The following PRKD3 variants were observed in gnomAD, a reference collection of about 807,000 sequenced individuals.
PRKD3 encodes protein kinase D3.
In PRKD3, 47 loss-of-function variants were observed where a neutral mutation model predicts 99.2. The observed-to-expected ratio is 0.47, with a 90% CI of 0.38 to 0.60. The LOEUF is 0.60. Ranked by LOEUF, PRKD3 falls within the 20% of genes least tolerant of loss-of-function variation. The pLI is 0.00. For synonymous variants in PRKD3, 392 were observed against 355.4 expected (o/e 1.10, Z -1.16); for missense variants, 1,019 against 1,088.4 (o/e 0.94, Z 0.90).
At chr2:37,258,332 G>A (rs1668139744) in intron 16 of PRKD3, among the ~76,000 whole-genome samples, 1 of 152,108 alleles carries the variant, frequency 6.6e-6, no homozygotes, top group African/African-American at 2.4e-5. Context: ...TGAAGAGTAC[G>A]AATACTGAGC....
At chr2:37,264,750 A>G (rs887394439) in intron 14 of PRKD3, among the ~76,000 whole-genome samples, 2 of 152,162 alleles carry the variant, frequency 1.3e-5, no homozygotes, top group Non-Finnish European at 2.9e-5. Flanking sequence ...GGGGGGGAAA[A>G]AAAAAGACTC....
intron 14 of PRKD3, among the ~76,000 whole-genome samples, chr2:37,260,808 GTTAT>G (rs1161485945): frequency 2.0e-5 from 3 of 152,104 alleles, no homozygotes; most frequent in African/African-American, 4.8e-5. Context: ...TTCTAAGGTA[GTTAT>G]TTATCTAAGT....
At chr2:37,289,251 T>C in intron 5 of PRKD3, 105 bp downstream of exon 5, 3 of 1,314,206 alleles carry the variant, frequency 2.3e-6, no homozygotes. Flanking sequence ...GTAGGAACAT[T>C]ACCATTCTTT....
At chr2:37,282,177 T>C (rs542078554) in intron 7 of PRKD3, 1 of 166,740 alleles carries the variant, frequency 6.0e-6, no homozygotes, top group East Asian at 1.6e-4. Flanking sequence ...TGTCAATATA[T>C]TTAAAGAGTT....
In PRKD3 at chr2:37,277,865, C is replaced by A; in HGVS notation, c.1296+1G>T. ...ATATTCAAATGTATTTGATTACTGA[C>A]CAGGTTATCCCTGCTGGTGTAATGG... On this transcript the variant is annotated splice_donor_variant, in intron 9 of 18. Coordinates refer to ENST00000234179, the MANE Select transcript of PRKD3 (RefSeq NM_005813.6). LOFTEE classifies it high-confidence loss of function. The A allele has an allele frequency of 6.2e-7, 1 of 1,611,296 alleles. No homozygotes were observed. Among genetic ancestry groups the A allele is most frequent in the Non-Finnish European group, 8.5e-7 (1 of 1,178,974 alleles).
intron 17 of PRKD3, among the ~76,000 whole-genome samples, chr2:37,256,199 G>C (rs1667921894): frequency 6.6e-6 from 1 of 152,108 alleles, no homozygotes; most frequent in Non-Finnish European, 1.5e-5. Flanking sequence ...GTTCAGAAGA[G>C]TAAACAACTA....
intron 3 of PRKD3, among the ~76,000 whole-genome samples, chr2:37,292,692 C>A (rs533975539): frequency 1.3e-5 from 2 of 151,582 alleles, no homozygotes; most frequent in African/African-American, 4.9e-5. Flanking sequence ...GTTGTCCAGG[C>A]GGAAGTGCAG....
chr2:37,323,556 T>C (rs535624469), intron 1 of PRKD3, among the ~76,000 whole-genome samples: 1 of 152,148 alleles, frequency 6.6e-6, no homozygotes, highest in Non-Finnish European at 1.5e-5. Flanking sequence ...AAGGGTTCGT[T>C]GACAAGGAAA....
chr2:37,292,792 C>T (rs1373378220), intron 3 of PRKD3, among the ~76,000 whole-genome samples: 1 of 151,938 alleles, frequency 6.6e-6, no homozygotes, highest in African/African-American at 2.4e-5. Context: ...ACTACAGTTG[C>T]ATGTGACCAT....
Position 37,260,245 on chromosome 2 carries a change from A to G in PRKD3, c.2024T>C (p.Ile675Thr). 4.3e-6 allele frequency: 7 copies of G among 1,611,672 alleles called. 1 individual carries two copies. The highest frequency in any genetic ancestry group is 5.9e-6 in the Non-Finnish European group (7 of 1,178,274). ...SSEKSRLPER[I>T]TKFMVTQILV... ...TACCTGTGTGACCATGAATTTAGTAATTCGTTCTGGAAGCCGACTTTTCTC... is the reference window on the plus strand; with the variant it reads ...TACCTGTGTGACCATGAATTTAGTAGTTCGTTCTGGAAGCCGACTTTTCTC... Residue 675 changes from isoleucine (I) to threonine (T), a missense_variant, in exon 15 of 19, where the codon ATT (isoleucine) becomes ACT (threonine). By Grantham distance (89) the Ile-to-Thr change is moderately conservative (BLOSUM62 -1). Around this residue, in one of 3 missense-constraint regions of PRKD3, gnomAD observed 184 missense variants for 275.1 expected, o/e 0.67. Transcript: ENST00000234179.
intron 2 of PRKD3, among the ~76,000 whole-genome samples, chr2:37,303,925 A>G (rs1671047831): frequency 6.6e-6 from 1 of 152,200 alleles, no homozygotes; most frequent in Admixed American, 6.5e-5. Flanking sequence ...TCAGGTCAAG[A>G]TACAGAATAT....
intron 3 of PRKD3, chr2:37,292,909 G>T: frequency 2.9e-6 from 1 of 347,808 alleles, no homozygotes; most frequent in Non-Finnish European, 5.2e-6. Flanking sequence ...GCTTCCCAAA[G>T]TGCTGGGCTT....
intron 6 of PRKD3, among the ~76,000 whole-genome samples, chr2:37,282,859 C>T (rs1572660013): frequency 6.6e-6 from 1 of 152,150 alleles, no homozygotes; most frequent in African/African-American, 2.4e-5. Context: ...CTCCATATTT[C>T]CTTCTCTTAT....
rs58356461 is a variant in PRKD3, at chr2:37,252,847, T to TTATA, written c.*326_*329dup. ...AAAACAAACAAACATATATTTATATTTATATATATATATATAAAGAGAAAT... is the reference window on the plus strand; with the variant it reads ...AAAACAAACAAACATATATTTATATTTATATATATATATATATATAAAGAGAAAT... On this transcript the variant is annotated 3_prime_UTR_variant, in exon 19 of 19. Coordinates refer to ENST00000234179, the MANE Select transcript of PRKD3 (RefSeq NM_005813.6). 47,127 of 144,890 alleles carry TTATA rather than the reference T, an allele frequency of 0.33. 8,224 individuals carry two copies. Among genetic ancestry groups the TTATA allele is most frequent in the East Asian group, 0.43 (2,115 of 4,904 alleles). The allele number at this position is 144,890 out of a possible 1,614,324, so 9.0% of individuals were successfully genotyped here. A position where few individuals can be genotyped will look rare whatever the true frequency, so the allele number is the denominator to read the frequency against.
chr2:37,274,642 A>G lies in PRKD3; in HGVS notation c.1430T>C (p.Ile477Thr). 6.2e-7 allele frequency: 1 copy of G among 1,614,092 alleles called. No homozygotes were observed. Among genetic ancestry groups the G allele is most frequent in the East Asian group, 2.2e-5 (1 of 44,870 alleles). ...RISSPRDFTN[I>T]SQGSNPHCFE... ...ACAGTGTGGATTGCTGCCTTGTGAA[A>G]TGTTTGTGAAATCTCGTGGTGAAGA... Residue 477 changes from isoleucine (I) to threonine (T), a missense_variant, in exon 11 of 19, where the codon ATT becomes ACT. Transcript: ENST00000234179.
At chr2:37,260,075 G>T in intron 15 of PRKD3, 148 bp downstream of exon 15, 1 of 695,112 alleles carries the variant, frequency 1.4e-6, no homozygotes, top group Non-Finnish European at 2.3e-6. Flanking sequence ...TGAGGCATGA[G>T]AATCACTTGA....
intron 14 of PRKD3, among the ~76,000 whole-genome samples, chr2:37,262,674 T>C (rs1668555827): frequency 7.2e-6 from 1 of 137,972 alleles, no homozygotes; most frequent in Admixed American, 7.7e-5. Flanking sequence ...GCTGGCTCTA[T>C]GCTTTTTCCC....
chr2:37,294,005 T>C (rs975230217), intron 2 of PRKD3, among the ~76,000 whole-genome samples: 2 of 152,250 alleles, frequency 1.3e-5, no homozygotes, highest in Non-Finnish European at 2.9e-5. Context: ...TCTTATGGGA[T>C]GTGTTTTAGG....
At chr2:37,280,308 G>A (rs1669797817) in intron 7 of PRKD3, among the ~76,000 whole-genome samples, 1 of 152,074 alleles carries the variant, frequency 6.6e-6, no homozygotes, top group Non-Finnish European at 1.5e-5. Flanking sequence ...GCCTCCCAAA[G>A]TGCTGGGATT....
Sources: allele counts gnomAD v4.1 joint callset (sites outside exome capture counted in the v4.1 genomes callset), GRCh38; gene constraint gnomAD v4.1.1; regional missense constraint gnomAD v4.1.1; transcripts MANE v1.5; gene names NCBI Gene and HGNC (gene_info 2026-07-23, HGNC 2026-07-21).